The following PXDN variants were observed in gnomAD, a reference collection of about 807,000 sequenced individuals.
PXDN encodes peroxidasin homolog.
Under a neutral mutation model 140.3 loss-of-function variants are expected in PXDN, and 77 were observed. That is an observed-to-expected ratio of 0.55 (90% CI 0.46 to 0.66). The LOEUF is 0.66. Among genes scored for constraint, PXDN ranks in the 30% least tolerant of loss-of-function variants. The pLI, the probability that PXDN is intolerant of heterozygous loss-of-function variation, is 0.00. For missense variants in PXDN, 1,838 were observed against 2,039.5 expected (o/e 0.90, Z 1.90); for synonymous variants, 911 against 857.4 (o/e 1.06, Z -1.09).
chr2:1,701,924 A>G (rs1473803109), intron 1 of PXDN, among the ~76,000 whole-genome samples: 2 of 152,126 alleles, frequency 1.3e-5, no homozygotes, highest in African/African-American at 2.4e-5. Flanking sequence ...CCCTCAGCAG[A>G]CACCCAATTG....
intron 7 of PXDN, among the ~76,000 whole-genome samples, chr2:1,678,732 T>C (rs1200203903): frequency 2.0e-5 from 3 of 152,184 alleles, no homozygotes; most frequent in African/African-American, 7.2e-5. Flanking sequence ...GGGCCCTCCC[T>C]TCAGGGACGC....
chr2:1,649,006 C>A lies in PXDN; in HGVS notation c.2774G>T (p.Ser925Ile), dbSNP rs1234570583. ...GCGGTGGCTGGCCAGGTCGCGGATG[C>A]TGCGGGCCTCATGCTCCGTGCTCCC... Reference protein sequence around the residue: ...VYGSTEHEARSIRDLASHRGL... With the variant: ...VYGSTEHEARIIRDLASHRGL... The change falls in exon 17 of 23, where the codon AGC (serine) becomes ATC (isoleucine). Residue 925 changes from serine to isoleucine, a missense_variant. This residue lies in a region of PXDN where 850 missense variants were observed against 894.1 expected (regional missense o/e 0.95). Transcript: ENST00000252804. The surrounding 1 kb of genome is among the most constrained non-coding windows in gnomAD (Gnocchi z 7.1). 1 of 1,612,532 alleles carries A rather than the reference C, an allele frequency of 6.2e-7. No individual in the cohort carries two copies. The highest frequency in any genetic ancestry group is 1.7e-5 in the Admixed American group (1 of 60,008).
rs1274090712 is a variant in PXDN, at chr2:1,712,613, AAGTAG to A, written c.201-19484_201-19480del. Among the ~76,000 whole-genome samples, 12 of 152,368 alleles carry A rather than the reference AAGTAG, an allele frequency of 7.9e-5. No individual in the cohort carries two copies. The East Asian group carries it at 1.5e-3, about 20-fold the overall frequency. On this transcript the variant is annotated intron_variant, in intron 1 of 22. Transcript: ENST00000252804. ...GCAGCGAATCCCCAGGGACGGCCTG[AAGTAG>A]AGGAGGTCACACATGGCGGCCTTGT...
intron 1 of PXDN, among the ~76,000 whole-genome samples, chr2:1,739,286 A>C (rs1685486058): frequency 6.6e-6 from 1 of 152,168 alleles, no homozygotes; most frequent in African/African-American, 2.4e-5. Context: ...ATCATCAGCA[A>C]CTAGGGAAAC....
At chr2:1,675,522 C>G (rs1350799170) in intron 8 of PXDN, among the ~76,000 whole-genome samples, 1 of 152,198 alleles carries the variant, frequency 6.6e-6, no homozygotes, top group Non-Finnish European at 1.5e-5. Context: ...AAGAGAGTGA[C>G]TGCACCTTAC....
At chr2:1,657,172 G>T (rs1013927059) in intron 14 of PXDN, among the ~76,000 whole-genome samples, 11 of 130,760 alleles carry the variant, frequency 8.4e-5, no homozygotes, top group African/African-American at 3.5e-4. Flanking sequence ...CTACTGACTG[G>T]GGGGGAACCT....
intron 16 of PXDN, among the ~76,000 whole-genome samples, chr2:1,650,047 G>A (rs1490488209): frequency 2.0e-5 from 3 of 152,006 alleles, no homozygotes; most frequent in Non-Finnish European, 1.5e-5. Context: ...CACTTTAAAC[G>A]CCCCGTGTAA....
intron 3 of PXDN, among the ~76,000 whole-genome samples, chr2:1,688,266 G>A (rs1684104945): frequency 6.6e-6 from 1 of 152,190 alleles, no homozygotes. Context: ...CTCAATAGGA[G>A]AATCCTATTT....
chr2:1,672,805 G>A (rs1286900022), intron 9 of PXDN, among the ~76,000 whole-genome samples: 1 of 152,236 alleles, frequency 6.6e-6, no homozygotes, highest in African/African-American at 2.4e-5. Context: ...ATAATGGCCT[G>A]AAATACAAAA....
chr2:1,670,310 G>C (rs1268566410), intron 9 of PXDN, among the ~76,000 whole-genome samples: 7 of 152,162 alleles, frequency 4.6e-5, no homozygotes, highest in African/African-American at 1.7e-4. Flanking sequence ...CAAAGAAAGA[G>C]AGTAAGAAAC....
intron 1 of PXDN, among the ~76,000 whole-genome samples, chr2:1,718,633 C>T (rs1275316348): frequency 3.9e-5 from 6 of 152,254 alleles, no homozygotes; most frequent in African/African-American, 1.4e-4. Context: ...CTCCACTAAC[C>T]TACCACCCAA....
chr2:1,662,729 A>T (rs532446853), intron 12 of PXDN, among the ~76,000 whole-genome samples: 2 of 152,206 alleles, frequency 1.3e-5, no homozygotes, highest in Non-Finnish European at 2.9e-5. Flanking sequence ...AGGGACGCCA[A>T]GGGCAAACCC....
chr2:1,732,987 T>C (rs1685345809), intron 1 of PXDN, among the ~76,000 whole-genome samples: 1 of 152,124 alleles, frequency 6.6e-6, no homozygotes. Context: ...AATCAGACAT[T>C]GAGAAAGAAA....
chr2:1,653,622 A>G lies in PXDN; in HGVS notation c.2104+6T>C. 1 of 1,612,296 alleles carries G rather than the reference A, an allele frequency of 6.2e-7. No homozygotes were observed. The highest frequency in any genetic ancestry group is 1.1e-5 in the South Asian group (1 of 90,278). On this transcript the variant is annotated splice_donor_region_variant and intron_variant, in intron 16 of 22. Transcript: ENST00000252804. ...TGGAGGAGGAAGAAAAGGCTTTGGC[A>G]CTGACTTGTTCCGTTGAGGTCGACC...
intron 16 of PXDN, 27 bp downstream of exon 16, chr2:1,653,600 AG>A (rs1462374673): frequency 1.2e-5 from 20 of 1,609,894 alleles, no homozygotes; most frequent in Non-Finnish European, 1.6e-5. Flanking sequence ...CAGGCCATGG[AG>A]GAGGAAGAAA....
chr2:1,678,415 A>C (rs1683782580), intron 7 of PXDN, among the ~76,000 whole-genome samples: 1 of 152,132 alleles, frequency 6.6e-6, no homozygotes, highest in African/African-American at 2.4e-5. Flanking sequence ...CTAACTGTAC[A>C]CCTGAACGGG....
At chr2:1,674,997 C>T (rs550415992) in intron 8 of PXDN, among the ~76,000 whole-genome samples, 8 of 152,184 alleles carry the variant, frequency 5.3e-5, no homozygotes, top group African/African-American at 9.7e-5. Flanking sequence ...GCCAAACCGT[C>T]GGGAACACTC....
In PXDN at chr2:1,649,581, C is replaced by T. The variant is rs763740789; in HGVS notation, c.2199G>A (p.Ser733=). The change falls in exon 17 of 23, where the codon TCG becomes TCA. Residue 733 remains serine (S), a synonymous_variant. Transcript: ENST00000252804. The surrounding 1 kb of genome is among the most constrained non-coding windows in gnomAD (Gnocchi z 7.1). ...CTAHRRVNNC[S]DMCFHQKYRT... ...GGTACTTCTGGTGGAAGCACATGTCCGAGCAGTTGTTCACGCGCCGGTGGG... is the reference window on the plus strand; with the variant it reads ...GGTACTTCTGGTGGAAGCACATGTCTGAGCAGTTGTTCACGCGCCGGTGGG... 22 of 1,613,904 alleles carry T rather than the reference C, an allele frequency of 1.4e-5. No individual in the cohort carries two copies. Among genetic ancestry groups the T allele is most frequent in the Middle Eastern group, 1.6e-4 (1 of 6,084 alleles).
intron 17 of PXDN, 79 bp from the exon 18 acceptor site, chr2:1,644,831 CTT>C (rs1250151659): frequency 1.3e-5 from 17 of 1,289,342 alleles, no homozygotes; most frequent in Non-Finnish European, 1.7e-5. Flanking sequence ...AAAAACAGTT[CTT>C]TCTTTCTATC....
Sources: gnomAD v4.1 joint callset for allele counts (sites outside exome capture counted in the v4.1 genomes callset) on GRCh38, gnomAD v4.1.1 for gene constraint, gnomAD v4.1.1 regional missense constraint, Gnocchi (gnomAD v3.1) non-coding constraint, MANE v1.5 for transcripts, NCBI Gene and HGNC (gene_info 2026-07-23, HGNC 2026-07-21) for gene names.